SEMA3A: variants seen among roughly 807,000 people sequenced by gnomAD.
SEMA3A encodes the protein semaphorin 3A, also known as semaphorin-3A.
SEMA3A carries 29 observed loss-of-function variants against 97.9 expected under a neutral mutation model. The ratio of observed to expected loss-of-function variants is 0.30; its 90% CI spans 0.22 to 0.40. SEMA3A has a LOEUF of 0.40. Among genes scored for constraint, SEMA3A ranks in the 10% least tolerant of loss-of-function variants. The pLI is 1.00. For missense variants in SEMA3A, 763 were observed against 951.3 expected, an observed-to-expected ratio of 0.80 and a Z score of 2.60; for synonymous variants, 321 against 323.7, an observed-to-expected ratio of 0.99 and a Z score of 0.09.
At chr7:84,065,542 AAGAG>A (rs903307163) in intron 4 of SEMA3A, among the ~76,000 whole-genome samples, 2 of 148,638 alleles carry the variant, frequency 1.3e-5, no homozygotes, top group African/African-American at 2.5e-5. Flanking sequence ...TAAAGAAAAA[AAGAG>A]AGAAGAATCA....
intron 2 of SEMA3A, among the ~76,000 whole-genome samples, chr7:84,340,032 T>C (rs1225770961): frequency 6.6e-6 from 1 of 152,130 alleles, no homozygotes; most frequent in Non-Finnish European, 1.5e-5. Context: ...AAAGAAAATT[T>C]AATGAATTTT....
At chr7:84,249,078 T>G (rs919672137) in intron 3 of SEMA3A, among the ~76,000 whole-genome samples, 1 of 152,190 alleles carries the variant, frequency 6.6e-6, no homozygotes, top group Non-Finnish European at 1.5e-5. Flanking sequence ...TTCAGAAGAA[T>G]AAAGTGCTTC....
At chr7:83,995,234 T>A (rs1368716603) in intron 12 of SEMA3A, among the ~76,000 whole-genome samples, 1 of 152,150 alleles carries the variant, frequency 6.6e-6, no homozygotes, top group Non-Finnish European at 1.5e-5. Flanking sequence ...CCTAGTGAGA[T>A]GAACCCGGTA....
intron 3 of SEMA3A, among the ~76,000 whole-genome samples, chr7:84,124,626 T>C (rs1230224153): frequency 6.6e-6 from 1 of 152,208 alleles, no homozygotes; most frequent in Non-Finnish European, 1.5e-5. Flanking sequence ...TCTTTCTTCT[T>C]AATATTTATT....
chr7:84,456,229 A>G (rs1805681419), intron 1 of SEMA3A, among the ~76,000 whole-genome samples: 1 of 151,932 alleles, frequency 6.6e-6, no homozygotes, highest in African/African-American at 2.4e-5. Context: ...AATGCTTATA[A>G]AAATAAATTA....
intron 2 of SEMA3A, among the ~76,000 whole-genome samples, chr7:84,334,535 C>T (rs1056280523): frequency 3.0e-4 from 46 of 151,928 alleles, no homozygotes; most frequent in African/African-American, 1.0e-3. Context: ...TGCACTCTTC[C>T]TCCACCTGTT....
At chr7:84,198,976 C>G (rs777640895), upstream of SEMA3A, among the ~76,000 whole-genome samples, 1 of 152,132 alleles carries the variant, frequency 6.6e-6, no homozygotes, top group Non-Finnish European at 1.5e-5. Context: ...TATTTTTTAT[C>G]TTTTCAGGTA....
intron 1 of SEMA3A, among the ~76,000 whole-genome samples, chr7:84,463,397 T>A (rs1228936): frequency 6.6e-6 from 1 of 151,510 alleles, no homozygotes; most frequent in East Asian, 1.9e-4. Flanking sequence ...TACAGGCACC[T>A]GCCACCACGC....
intron 2 of SEMA3A, among the ~76,000 whole-genome samples, chr7:84,321,370 T>C (rs532519986): frequency 6.6e-6 from 1 of 152,314 alleles, no homozygotes; most frequent in South Asian, 2.1e-4. Context: ...GTTAGGATAC[T>C]AGTTTATGAA....
intron 4 of SEMA3A, among the ~76,000 whole-genome samples, chr7:84,096,795 A>T (rs572668076): frequency 6.6e-6 from 1 of 152,070 alleles, no homozygotes; most frequent in African/African-American, 2.4e-5. Flanking sequence ...ATTTTTCTGG[A>T]TTTTCATATG....
intron 2 of SEMA3A, among the ~76,000 whole-genome samples, chr7:84,351,447 TTTTGAAAATTTGACCATCCTTATGGCAA>T (rs1802436714): frequency 1.3e-5 from 2 of 152,070 alleles, no homozygotes; most frequent in Non-Finnish European, 2.9e-5. Flanking sequence ...GTAAACAGTA[TTTTGAAAATTTGACCATCCTTATGGCAA>T]AGGATTCATA....
chr7:84,340,929 G>GAA lies in SEMA3A; in HGVS notation c.-169+30893_-169+30894dup, dbSNP rs1354026818. Among the ~76,000 whole-genome samples the GAA allele has an allele frequency of 2.0e-5, 3 of 151,886 alleles. No homozygotes were observed. In the East Asian group the frequency reaches 5.8e-4, roughly 29 times the overall value. ...GGAGAAAATATTTACATTTCTCACT[G>GAA]AAAATATAATGATGCATAAAAACAA... On this transcript the variant is annotated intron_variant, in intron 2 of 3. Coordinates refer to the SEMA3A transcript ENST00000424555.
At chr7:84,044,028 G>A (rs1275724453) in intron 6 of SEMA3A, among the ~76,000 whole-genome samples, 1 of 151,972 alleles carries the variant, frequency 6.6e-6, no homozygotes, top group Non-Finnish European at 1.5e-5. Context: ...CTTCTAATGA[G>A]ATTTTGTTTC....
chr7:84,017,811 T>C (rs1791165527), intron 6 of SEMA3A, among the ~76,000 whole-genome samples: 1 of 152,148 alleles, frequency 6.6e-6, no homozygotes. Context: ...ATCACCTCTT[T>C]ATTCAATCCG....
chr7:84,408,085 C>A (rs1300481647), intron 1 of SEMA3A, among the ~76,000 whole-genome samples: 1 of 152,146 alleles, frequency 6.6e-6, no homozygotes, highest in Non-Finnish European at 1.5e-5. Flanking sequence ...GCAAAGAAAA[C>A]CACCATCAGA....
chr7:84,132,383 T>A (rs538263376), intron 2 of SEMA3A, among the ~76,000 whole-genome samples: 1 of 52,384 alleles, frequency 1.9e-5, no homozygotes, highest in East Asian at 1.5e-3. Context: ...CAAATGGCTG[T>A]AGAATTTTCT....
At chr7:84,186,783 A>G (rs2116254509) in intron 1 of SEMA3A, among the ~76,000 whole-genome samples, 1 of 152,230 alleles carries the variant, frequency 6.6e-6, no homozygotes, top group East Asian at 1.9e-4. Flanking sequence ...TTTCCAACGA[A>G]CATTGTAAGT....
chr7:84,142,389 G>A (rs1168189758), intron 1 of SEMA3A, among the ~76,000 whole-genome samples: 2 of 152,114 alleles, frequency 1.3e-5, no homozygotes, highest in Non-Finnish European at 2.9e-5. Flanking sequence ...AGTTAAGGAA[G>A]TTAATAGGAG....
intron 5 of SEMA3A, among the ~76,000 whole-genome samples, chr7:84,053,794 T>G (rs1177737263): frequency 1.5e-5 from 2 of 133,784 alleles, no homozygotes; most frequent in African/African-American, 5.1e-5. Context: ...ATTGATGGAG[T>G]TTCTTCCTAG....
Sources: gnomAD v4.1 joint callset for allele counts (sites outside exome capture counted in the v4.1 genomes callset) on GRCh38, gnomAD v4.1.1 for gene constraint, MANE v1.5 for transcripts, NCBI Gene and HGNC (gene_info 2026-07-23, HGNC 2026-07-21) for gene names.